Variants in CNTNAP5 observed in about 807,000 individuals in gnomAD.
CNTNAP5 encodes contactin-associated protein-like 5.
In CNTNAP5, 72 loss-of-function variants were observed where a neutral mutation model predicts 150.2. The observed-to-expected ratio is 0.48, with a 90% confidence interval of 0.40 to 0.58. CNTNAP5 has a LOEUF of 0.58. Among genes scored for constraint, CNTNAP5 ranks in the 20% least tolerant of loss-of-function variants. The pLI, the probability that CNTNAP5 is intolerant of heterozygous loss-of-function variation, is 0.00. For synonymous variants in CNTNAP5, 672 were observed against 619.8 expected (o/e 1.08, Z -1.25); for missense variants, 1,636 against 1,626.2 (o/e 1.01, Z -0.10).
At chr2:124,062,462 G>A (rs1230936149) in intron 1 of CNTNAP5, among the ~76,000 whole-genome samples, 1 of 152,188 alleles carries the variant, frequency 6.6e-6, no homozygotes, top group African/African-American at 2.4e-5. Context: ...ATACCACTGT[G>A]ATTCCTTAGA....
intron 1 of CNTNAP5, among the ~76,000 whole-genome samples, chr2:124,145,551 A>G (rs1198872286): frequency 2.3e-5 from 1 of 43,344 alleles, no homozygotes; most frequent in African/African-American, 9.2e-5. Context: ...AGAACAAAAA[A>G]CCAAACACCG....
intron 1 of CNTNAP5, among the ~76,000 whole-genome samples, chr2:124,139,758 A>C (rs1684063790): frequency 6.6e-6 from 1 of 152,148 alleles, no homozygotes; most frequent in East Asian, 1.9e-4. Context: ...GGAAGATTTG[A>C]TATTTTAAAA....
At position 124,475,432 on chromosome 2, in the gene CNTNAP5, A is replaced by G. The variant is rs149328185; in HGVS notation, c.1062+550A>G. Among the ~76,000 whole-genome samples, 26 of 152,164 alleles carry G rather than the reference A, an allele frequency of 1.7e-4. No individual in the cohort carries two copies. The East Asian group carries it at 4.1e-3, about 24-fold the overall frequency. On this transcript the variant is annotated intron_variant, in intron 7 of 23. Coordinates refer to ENST00000682447, the MANE Select transcript of CNTNAP5 (RefSeq NM_001367498.1). ...GTCAGGACTGTGTTTTCTTTTTACTACTGCATTCACAATGCCTAACAGAGT... is the reference window on the plus strand; with the variant it reads ...GTCAGGACTGTGTTTTCTTTTTACTGCTGCATTCACAATGCCTAACAGAGT...
intron 3 of CNTNAP5, among the ~76,000 whole-genome samples, chr2:124,357,620 T>C (rs1422816249): frequency 1.4e-5 from 2 of 144,652 alleles, no homozygotes; most frequent in Non-Finnish European, 3.1e-5. Context: ...TAGTTGTAGA[T>C]ATGCGGCATT....
At chr2:124,441,819 T>C (rs958612932) in intron 5 of CNTNAP5, among the ~76,000 whole-genome samples, 3 of 151,842 alleles carry the variant, frequency 2.0e-5, no homozygotes, top group African/African-American at 4.8e-5. Context: ...TGTTTCTCCA[T>C]AGAATTGGTG....
chr2:124,503,033 C>T (rs1037368517), intron 7 of CNTNAP5, among the ~76,000 whole-genome samples: 12 of 152,146 alleles, frequency 7.9e-5, no homozygotes, highest in Non-Finnish European at 8.8e-5. Flanking sequence ...TTGCCTAGCA[C>T]GGTGGGGATG....
chr2:124,896,657 G>A (rs1268530901), intron 21 of CNTNAP5, among the ~76,000 whole-genome samples: 2 of 151,282 alleles, frequency 1.3e-5, no homozygotes, highest in Non-Finnish European at 1.5e-5. Flanking sequence ...TCCTCCCTCA[G>A]CCTCCCAAGT....
intron 8 of CNTNAP5, among the ~76,000 whole-genome samples, chr2:124,505,429 A>G (rs1296989091): frequency 2.0e-5 from 3 of 152,134 alleles, no homozygotes; most frequent in Non-Finnish European, 2.9e-5. Context: ...TCAAGTAAAA[A>G]TCAGTAAATT....
chr2:124,604,793 C>A (rs752317532), intron 11 of CNTNAP5, among the ~76,000 whole-genome samples: 2 of 152,108 alleles, frequency 1.3e-5, no homozygotes, highest in Non-Finnish European at 2.9e-5. Flanking sequence ...ATTTAAGGAA[C>A]AAGTATATCA....
intron 1 of CNTNAP5, chr2:124,135,000 G>C (rs1047314865): frequency 3.1e-4 from 47 of 152,120 alleles, no homozygotes; most frequent in African/African-American, 1.1e-3. Context: ...TGAAATGAAA[G>C]GGATAAGGTA....
At chr2:124,625,812 G>T (rs1275419906) in intron 12 of CNTNAP5, among the ~76,000 whole-genome samples, 1 of 152,126 alleles carries the variant, frequency 6.6e-6, no homozygotes, top group Non-Finnish European at 1.5e-5. Context: ...CACACACAAA[G>T]GACCTCACAC....
chr2:124,503,564 G>T (rs943372095), intron 7 of CNTNAP5, among the ~76,000 whole-genome samples: 2 of 152,042 alleles, frequency 1.3e-5, no homozygotes, highest in African/African-American at 4.8e-5. Context: ...CTATGTTATT[G>T]AAAATACTTT....
chr2:124,278,255 T>C (rs1687932094), intron 3 of CNTNAP5, among the ~76,000 whole-genome samples: 1 of 152,176 alleles, frequency 6.6e-6, no homozygotes, highest in African/African-American at 2.4e-5. Context: ...AAGCAGATTC[T>C]ACTCATTTAA....
chr2:124,307,251 A>AAG (rs987244238), intron 3 of CNTNAP5, among the ~76,000 whole-genome samples: 3 of 151,812 alleles, frequency 2.0e-5, no homozygotes, highest in Non-Finnish European at 4.4e-5. Flanking sequence ...GACAGAGAGA[A>AAG]AGAGAGAGAG....
At chr2:124,148,427 T>C (rs1684309053) in intron 1 of CNTNAP5, among the ~76,000 whole-genome samples, 1 of 145,784 alleles carries the variant, frequency 6.9e-6, no homozygotes, top group East Asian at 2.0e-4. Context: ...AGTGGTGGTT[T>C]TGTTTCCTGC....
intron 1 of CNTNAP5, among the ~76,000 whole-genome samples, chr2:124,172,061 T>C (rs557002168): frequency 6.6e-6 from 1 of 152,212 alleles, no homozygotes; most frequent in Non-Finnish European, 1.5e-5. Context: ...TAGACTTTCA[T>C]AGTTTCCATA....
At chr2:124,306,655 C>G (rs1688697338) in intron 3 of CNTNAP5, among the ~76,000 whole-genome samples, 1 of 151,792 alleles carries the variant, frequency 6.6e-6, no homozygotes, top group Non-Finnish European at 1.5e-5. Flanking sequence ...ATCTCTACCC[C>G]AGAACACACC....
intron 1 of CNTNAP5, among the ~76,000 whole-genome samples, chr2:124,188,821 C>A (rs1685395648): frequency 6.6e-6 from 1 of 151,478 alleles, no homozygotes; most frequent in Non-Finnish European, 1.5e-5. Flanking sequence ...GTTATCTCAG[C>A]ACCAGGTAGA....
chr2:124,039,881 ATTTAT>A (rs1681320446), intron 1 of CNTNAP5, among the ~76,000 whole-genome samples: 1 of 152,128 alleles, frequency 6.6e-6, no homozygotes, highest in African/African-American at 2.4e-5. Context: ...ATTTTTAATG[ATTTAT>A]TTTTAGTTTT....
Sources: gnomAD v4.1 joint callset for allele counts (sites outside exome capture counted in the v4.1 genomes callset) on GRCh38, gnomAD v4.1.1 for gene constraint, MANE v1.5 for transcripts, NCBI Gene and HGNC (gene_info 2026-07-23, HGNC 2026-07-21) for gene names.